The following TRIM44 variants were observed in gnomAD, a reference collection of about 807,000 sequenced individuals.
TRIM44 encodes the protein tripartite motif containing 44.
TRIM44 carries 13 observed loss-of-function variants against 37.4 expected under a neutral mutation model. The ratio of observed to expected loss-of-function variants is 0.35; its 90% confidence interval spans 0.23 to 0.55. The LOEUF (loss-of-function observed/expected upper bound fraction) is 0.55. Among genes scored for constraint, TRIM44 ranks in the 20% least tolerant of loss-of-function variants. The pLI, the probability that TRIM44 is intolerant of heterozygous loss-of-function variation, is 0.89. For synonymous variants in TRIM44, 175 were observed against 157.2 expected (o/e 1.11, Z -0.85); for missense variants, 426 against 437.2 (o/e 0.97, Z 0.23).
At chr11:35,700,583 A>G (rs1851774465) in intron 2 of TRIM44, among the ~76,000 whole-genome samples, 1 of 152,202 alleles carries the variant, frequency 6.6e-6, no homozygotes, top group African/African-American at 2.4e-5. Flanking sequence ...TTTCACAACA[A>G]CACAGACCAT....
chr11:35,729,240 C>T (rs187857194), intron 3 of TRIM44, among the ~76,000 whole-genome samples: 15 of 152,230 alleles, frequency 9.9e-5, no homozygotes, highest in Admixed American at 7.8e-4. Flanking sequence ...CACTGCTCCT[C>T]AACCCCAATT....
At chr11:35,793,866 T>C (rs1853248946) in intron 4 of TRIM44, among the ~76,000 whole-genome samples, 1 of 152,182 alleles carries the variant, frequency 6.6e-6, no homozygotes, top group Non-Finnish European at 1.5e-5. Context: ...TTTCTTCGTC[T>C]GTAAAATGGA....
intron 2 of TRIM44, among the ~76,000 whole-genome samples, chr11:35,690,929 T>C (rs752754353): frequency 9.9e-5 from 15 of 152,206 alleles, no homozygotes; most frequent in Non-Finnish European, 1.3e-4. Flanking sequence ...TACACTGTTA[T>C]TGAATTCATG....
At chr11:35,741,203 C>T (rs114341903) in intron 4 of TRIM44, among the ~76,000 whole-genome samples, 1,939 of 152,188 alleles carry the variant, frequency 0.013, 44 homozygotes, top group African/African-American at 0.044. Flanking sequence ...CTAAGTTGGC[C>T]TTCAGCATAC....
At chr11:35,665,324 G>T (rs1274209004) in intron 1 of TRIM44, among the ~76,000 whole-genome samples, 5 of 151,996 alleles carry the variant, frequency 3.3e-5, no homozygotes. Context: ...TTCCAGAGTG[G>T]TTGTACCAGT....
At chr11:35,749,440 T>A (rs950625165) in intron 4 of TRIM44, among the ~76,000 whole-genome samples, 8 of 152,168 alleles carry the variant, frequency 5.3e-5, no homozygotes, top group African/African-American at 1.9e-4. Context: ...ATCCCAGCAC[T>A]TTGAGAGGCC....
chr11:35,725,582 C>T (rs1852164495), intron 2 of TRIM44, among the ~76,000 whole-genome samples: 1 of 152,066 alleles, frequency 6.6e-6, no homozygotes, highest in Admixed American at 6.5e-5. Flanking sequence ...GTGATCCAGC[C>T]GCCTTGGCCT....
intron 2 of TRIM44, among the ~76,000 whole-genome samples, chr11:35,703,809 G>GA (rs202084648): frequency 2.0e-5 from 3 of 152,036 alleles, no homozygotes; most frequent in African/African-American, 4.8e-5. Flanking sequence ...ACAAAGATGG[G>GA]AAAAAAACAG....
intron 2 of TRIM44, among the ~76,000 whole-genome samples, chr11:35,713,260 C>G (rs934191971): frequency 6.6e-6 from 1 of 152,188 alleles, no homozygotes; most frequent in Non-Finnish European, 1.5e-5. Flanking sequence ...TCTACCATGT[C>G]TCCCTACTTC....
chr11:35,734,754 A>G (rs572061810), intron 3 of TRIM44, among the ~76,000 whole-genome samples: 1 of 152,332 alleles, frequency 6.6e-6, no homozygotes, highest in South Asian at 2.1e-4. Flanking sequence ...ATGTTAACAC[A>G]TTGTTTTTGA....
intron 2 of TRIM44, among the ~76,000 whole-genome samples, chr11:35,706,570 G>A (rs7937961): frequency 0.13 from 19,039 of 152,064 alleles, 3,092 homozygotes; most frequent in African/African-American, 0.37. Flanking sequence ...CATCATGATC[G>A]AGTGGGCTTC....
At chr11:35,666,048 G>T (rs146175882) in intron 1 of TRIM44, among the ~76,000 whole-genome samples, 1 of 152,026 alleles carries the variant, frequency 6.6e-6, no homozygotes, top group Non-Finnish European at 1.5e-5. Flanking sequence ...TGCTTTTTGT[G>T]TCTTGTTCTA....
At chr11:35,715,093 T>A (rs541940176) in intron 2 of TRIM44, among the ~76,000 whole-genome samples, 27 of 152,202 alleles carry the variant, frequency 1.8e-4, no homozygotes, top group African/African-American at 6.0e-4. Context: ...GCATCCCCAG[T>A]GAACTGCTTT....
intron 3 of TRIM44, among the ~76,000 whole-genome samples, chr11:35,729,904 G>T (rs932760123): frequency 6.6e-6 from 1 of 152,292 alleles, no homozygotes; most frequent in East Asian, 1.9e-4. Context: ...TTGAACCCAG[G>T]AGGTTGAGGC....
intron 2 of TRIM44, among the ~76,000 whole-genome samples, chr11:35,695,361 C>T (rs530315028): frequency 6.6e-6 from 1 of 152,154 alleles, no homozygotes; most frequent in African/African-American, 2.4e-5. Flanking sequence ...TGACTTAGAC[C>T]TTAGAGTTCA....
At chr11:35,701,267 T>C (rs1043758250) in intron 2 of TRIM44, among the ~76,000 whole-genome samples, 9 of 152,212 alleles carry the variant, frequency 5.9e-5, no homozygotes, top group East Asian at 1.9e-4. Flanking sequence ...CTGTTTTTTT[T>C]CCCCCCGAAA....
chr11:35,686,557 T>C (rs1851584705), intron 2 of TRIM44, among the ~76,000 whole-genome samples: 1 of 152,024 alleles, frequency 6.6e-6, no homozygotes, highest in African/African-American at 2.4e-5. Flanking sequence ...TTTGTTTGTT[T>C]TTGTTTTTTG....
rs189795848 is a variant in TRIM44, at chr11:35,812,959, A to G, written c.*6574A>G. The G allele has an allele frequency of 1.8e-3, 275 of 152,328 alleles. No individual in the cohort carries two copies. The highest frequency in any genetic ancestry group is 6.0e-3 in the African/African-American group (249 of 41,572). The allele number at this position is 152,328 out of a possible 1,614,324, so 9.4% of individuals were successfully genotyped here. On this transcript the variant is annotated 3_prime_UTR_variant, in exon 5 of 5. Coordinates refer to ENST00000299413, the MANE Select transcript of TRIM44 (RefSeq NM_017583.6). ...AGGCAAAACCATGTCTTCTTTTGCT[A>G]TAGCGTTAGAATCCTGAAAGTCAGC...
intron 1 of TRIM44, among the ~76,000 whole-genome samples, chr11:35,680,120 G>A (rs1851506986): frequency 6.6e-6 from 1 of 152,146 alleles, no homozygotes; most frequent in South Asian, 2.1e-4. Context: ...TGGTCCATAT[G>A]TTTGCATTGT....
Sources: gnomAD v4.1 joint callset for allele counts (sites outside exome capture counted in the v4.1 genomes callset) on GRCh38, gnomAD v4.1.1 for gene constraint, MANE v1.5 for transcripts, NCBI Gene and HGNC (gene_info 2026-07-23, HGNC 2026-07-21) for gene names.